Variants in GNG4 observed in about 807,000 individuals in gnomAD.
The protein encoded by GNG4 is G protein subunit gamma 4.
Under a neutral mutation model 5.8 loss-of-function variants are expected in GNG4, and 4 were observed. The ratio of observed to expected loss-of-function variants is 0.69; its 90% confidence interval spans 0.34 to 1.57. GNG4 has a LOEUF of 1.57. Ranked by LOEUF, GNG4 falls within the 40% of genes most tolerant of loss-of-function variation. The probability of loss-of-function intolerance (pLI) is 0.06; values close to 1 mark genes in which losing one functional copy is unlikely to be tolerated. For synonymous variants in GNG4, 29 were observed against 32.9 expected, an observed-to-expected ratio of 0.88 and a Z score of 0.41; for missense variants, 96 against 95.1, an observed-to-expected ratio of 1.01 and a Z score of -0.04.
At chr1:235,624,308 C>G (rs944023652) in intron 1 of GNG4, among the ~76,000 whole-genome samples, 3 of 151,444 alleles carry the variant, frequency 2.0e-5, no homozygotes, top group Non-Finnish European at 4.4e-5. Flanking sequence ...ATGGGGGTTT[C>G]ACCATGGTGC....
At chr1:235,616,394 G>A (rs929776678) in intron 1 of GNG4, 3 of 303,448 alleles carry the variant, frequency 9.9e-6, no homozygotes, top group Non-Finnish European at 1.9e-5. Context: ...GATCCAGATT[G>A]GGTAGGGCCC....
chr1:235,599,688 CCCAGTCCTGCCTTATGCAGGGT>C (rs1385439838), intron 1 of GNG4, among the ~76,000 whole-genome samples: 3 of 152,148 alleles, frequency 2.0e-5, no homozygotes, highest in Non-Finnish European at 2.9e-5. Flanking sequence ...ACCAGCAGGG[CCCAGTCCTGCCTTATGCAGGGT>C]CCAAGATGAA....
intron 3 of GNG4, among the ~76,000 whole-genome samples, chr1:235,578,831 C>T (rs1181536640): frequency 6.6e-6 from 1 of 152,188 alleles, no homozygotes; most frequent in Non-Finnish European, 1.5e-5. Context: ...GCTGCGGTGG[C>T]TTAGGCCTGT....
At chr1:235,595,934 G>C (rs1345209418) in intron 1 of GNG4, among the ~76,000 whole-genome samples, 1 of 152,064 alleles carries the variant, frequency 6.6e-6, no homozygotes, top group Non-Finnish European at 1.5e-5. Context: ...CAGCACTTTG[G>C]GAGGCCGAGG....
intron 1 of GNG4, among the ~76,000 whole-genome samples, chr1:235,622,872 T>TAAAAAAAAA (rs1571918516): frequency 1.6e-4 from 4 of 25,292 alleles, no homozygotes; most frequent in African/African-American, 7.3e-4. Flanking sequence ...AGACTCCATC[T>TAAAAAAAAA]CAAAAAAAAA....
intron 1 of GNG4, among the ~76,000 whole-genome samples, chr1:235,607,076 T>A (rs1346392481): frequency 6.6e-6 from 1 of 151,606 alleles, no homozygotes; most frequent in Non-Finnish European, 1.5e-5. Context: ...GTAGCTGGGA[T>A]TACAGGTGCG....
At chr1:235,564,592 G>C (rs1687146797) in intron 3 of GNG4, among the ~76,000 whole-genome samples, 1 of 152,106 alleles carries the variant, frequency 6.6e-6, no homozygotes, top group Admixed American at 6.6e-5. Context: ...TTCTAGGATT[G>C]TCATAGTCTA....
chr1:235,573,252 T>C lies in GNG4; in HGVS notation c.99+10488A>G, dbSNP rs188232941. The stretch of plus-strand genomic sequence containing the variant: ...ACAGAAAACCAAACGCCGCATGTTC[T>C]CACTCATAGGTGGGAATTGAACAAT... On this transcript the variant is annotated intron_variant, in intron 3 of 3. Transcript: ENST00000391854. 5.5e-5 allele frequency among the ~76,000 whole-genome samples: 8 copies of C among 145,952 alleles called. No homozygotes were observed. In the East Asian group the frequency reaches 1.6e-3, roughly 29 times the overall value.
chr1:235,576,945 C>T, intron 3 of GNG4, among the ~76,000 whole-genome samples: 1 of 152,168 alleles, frequency 6.6e-6, no homozygotes, highest in East Asian at 1.9e-4. Context: ...CTACGTTTTT[C>T]CTCCATGAAT....
intron 1 of GNG4, among the ~76,000 whole-genome samples, chr1:235,620,963 C>T (rs1477363049): frequency 6.6e-6 from 1 of 152,114 alleles, no homozygotes; most frequent in Admixed American, 6.6e-5. Flanking sequence ...TTAATGTTAC[C>T]AAGGAAAGTA....
chr1:235,557,803 G>A (rs912071536), intron 3 of GNG4, among the ~76,000 whole-genome samples: 4 of 152,178 alleles, frequency 2.6e-5, no homozygotes, highest in South Asian at 2.1e-4. Flanking sequence ...CAGCTCAGTC[G>A]AGGAGAAGTC....
chr1:235,639,582 C>T (rs766163640), intron 1 of GNG4, among the ~76,000 whole-genome samples: 7 of 152,030 alleles, frequency 4.6e-5, no homozygotes, highest in African/African-American at 1.7e-4. Context: ...CTTACTCTGT[C>T]GCCCAGGCTG....
chr1:235,569,531 T>A (rs1296331002), intron 3 of GNG4, among the ~76,000 whole-genome samples: 1 of 151,920 alleles, frequency 6.6e-6, no homozygotes, highest in Non-Finnish European at 1.5e-5. Flanking sequence ...CTATATTCTT[T>A]TTTTTTTGTT....
At chr1:235,607,188 C>A (rs2102966206) in intron 1 of GNG4, among the ~76,000 whole-genome samples, 1 of 152,130 alleles carries the variant, frequency 6.6e-6, no homozygotes, top group East Asian at 1.9e-4. Flanking sequence ...CTCAAATGAT[C>A]CCCCCGCCTT....
intron 3 of GNG4, among the ~76,000 whole-genome samples, chr1:235,572,072 G>A (rs968975969): frequency 8.5e-5 from 13 of 152,184 alleles, no homozygotes; most frequent in African/African-American, 2.9e-4. Flanking sequence ...CTGAGCTCAA[G>A]TGATCCTCCT....
intron 1 of GNG4, among the ~76,000 whole-genome samples, chr1:235,596,315 A>G (rs375626118): frequency 7.2e-5 from 11 of 152,064 alleles, no homozygotes; most frequent in East Asian, 5.8e-4. Flanking sequence ...AGGTGGGCAG[A>G]TCAACTGAGG....
rs148001031 is a variant in GNG4 at position 235,609,122 on chromosome 1, C to T, written c.-122-13611G>A. Among the ~76,000 whole-genome samples, 554 of 152,208 alleles carry T rather than the reference C, an allele frequency of 3.6e-3. 2 individuals are homozygous for T. Among genetic ancestry groups the T allele is most frequent in the Non-Finnish European group, 6.5e-3 (439 of 68,018 alleles). On this transcript the variant is annotated intron_variant, in intron 1 of 3. Coordinates refer to ENST00000391854, the MANE Select transcript of GNG4 (RefSeq NM_001098722.2). ...TGCTGGGATTGTAGGCATGAGCCAC[C>T]GCACCTGGCCAGCTTTTTTCACTTA...
intron 1 of GNG4, among the ~76,000 whole-genome samples, chr1:235,637,313 C>T (rs1657133636): frequency 6.6e-6 from 1 of 152,138 alleles, no homozygotes; most frequent in Non-Finnish European, 1.5e-5. Context: ...CCTCTGACCA[C>T]CTATTTCAGT....
chr1:235,604,488 G>A (rs1411318518), intron 1 of GNG4, among the ~76,000 whole-genome samples: 2 of 152,164 alleles, frequency 1.3e-5, no homozygotes, highest in Non-Finnish European at 2.9e-5. Context: ...TCCCTCTGAA[G>A]GCCCCAGGAG....
Sources: gnomAD v4.1 joint callset for allele counts (sites outside exome capture counted in the v4.1 genomes callset) on GRCh38, gnomAD v4.1.1 for gene constraint, MANE v1.5 for transcripts, NCBI Gene and HGNC (gene_info 2026-07-23, HGNC 2026-07-21) for gene names.